The following ATP13A4 variants were observed in gnomAD, a reference collection of about 807,000 sequenced individuals.
The protein encoded by ATP13A4 is probable cation-transporting ATPase 13A4.
In ATP13A4, 114 loss-of-function variants were observed where a neutral mutation model predicts 142.5. The observed-to-expected ratio is 0.80, with a 90% CI of 0.69 to 0.93. The LOEUF is 0.93. Ranked by LOEUF, ATP13A4 falls within the 40% of genes least tolerant of loss-of-function variation. The pLI, the probability that ATP13A4 is intolerant of heterozygous loss-of-function variation, is 0.00. For synonymous variants in ATP13A4, 488 were observed against 514.8 expected (o/e 0.95, Z 0.70); for missense variants, 1,392 against 1,454.0 (o/e 0.96, Z 0.69).
chr3:193,470,780 G>A, intron 9 of ATP13A4, 79 bp downstream of exon 9: 1 of 1,599,382 alleles, frequency 6.3e-7, no homozygotes, highest in Non-Finnish European at 8.6e-7. Flanking sequence ...TTCAGGTAGA[G>A]GAGGAGGCGT....
At position 193,491,710 on chromosome 3, in the gene ATP13A4, G is replaced by A. The variant is rs1042509954; in HGVS notation, c.534-312C>T. On this transcript the variant is annotated intron_variant, in intron 5 of 29. Transcript: ENST00000342695. ...ATTCAAGTACTTTCAGGATTGGCAT[G>A]TTCCCAACTCTGTCTCTCCTCAATT... Among the ~76,000 whole-genome samples, 16 of 152,136 alleles carry A rather than the reference G, an allele frequency of 1.1e-4. No homozygotes were observed. The South Asian group carries it at 3.3e-3, about 31-fold the overall frequency.
intron 1 of ATP13A4, among the ~76,000 whole-genome samples, chr3:193,517,778 G>A (rs1326112902): frequency 2.0e-5 from 3 of 152,104 alleles, no homozygotes; most frequent in East Asian, 1.9e-4. Context: ...GCCTACAACC[G>A]ACTGTTTTAA....
At chr3:193,439,504 G>C (rs1716500006) in intron 21 of ATP13A4, among the ~76,000 whole-genome samples, 1 of 152,152 alleles carries the variant, frequency 6.6e-6, no homozygotes, top group South Asian at 2.1e-4. Flanking sequence ...TGCTGTATGG[G>C]AAAGTACTTA....
chr3:193,562,148 C>T, intron 2 of ATP13A4, among the ~76,000 whole-genome samples: 1 of 152,044 alleles, frequency 6.6e-6, no homozygotes, highest in East Asian at 1.9e-4. Context: ...TCTCCTGGAC[C>T]CCACATACTC....
Position 193,531,313 on chromosome 3 carries a change from A to AG in ATP13A4, c.61-16443dup, listed in dbSNP as rs1474577707. Among the ~76,000 whole-genome samples, 242 of 88,732 alleles carry AG rather than the reference A, an allele frequency of 2.7e-3. 1 individual carries two copies. The highest frequency in any genetic ancestry group is 4.2e-3 in the East Asian group (10 of 2,388). 58.2% of individuals were successfully genotyped at this position (88,732 alleles called of 152,430 possible). On this transcript the variant is annotated intron_variant, in intron 1 of 29. Transcript: ENST00000342695. Reference sequence around the variant, plus strand: ...GAGGGAGGGAGGAAGGAAGGAAGGAAGGAAGGAAGGAAGGAAGGAAGGAAG... The same window carrying AG: ...GAGGGAGGGAGGAAGGAAGGAAGGAAGGGAAGGAAGGAAGGAAGGAAGGAAG...
chr3:193,580,865 A>T (rs1186306883), intron 2 of ATP13A4, among the ~76,000 whole-genome samples: 1 of 152,202 alleles, frequency 6.6e-6, no homozygotes, highest in Non-Finnish European at 1.5e-5. Context: ...AATGATGGGA[A>T]GGTTGAAATA....
intron 8 of ATP13A4, among the ~76,000 whole-genome samples, chr3:193,480,889 A>G (rs1411698213): frequency 3.3e-5 from 5 of 152,258 alleles, no homozygotes; most frequent in Admixed American, 3.3e-4. Context: ...AATGCCCATC[A>G]ATCTATGAGT....
At chr3:193,577,046 CATAA>C (rs1560288611) in intron 2 of ATP13A4, among the ~76,000 whole-genome samples, 20 of 152,290 alleles carry the variant, frequency 1.3e-4, no homozygotes, top group Non-Finnish European at 2.6e-4. Flanking sequence ...TTGTTGACTC[CATAA>C]TAGTAATCCA....
At chr3:193,439,158 T>C in intron 21 of ATP13A4, 93 bp from the exon 22 acceptor site, 1 of 1,293,218 alleles carries the variant, frequency 7.7e-7, no homozygotes, top group Admixed American at 1.7e-5. Context: ...TTACTTAGGG[T>C]TCAAACTCAT....
At position 193,545,122 on chromosome 3, in the gene ATP13A4, C is replaced by A. The variant is rs570399447; in HGVS notation, c.60+9618G>T. ...ATAGTCTCAGATCTCTCCATCTACC[C>A]AAACTTAATTCTTGGATAGTTTTGT... On this transcript the variant is annotated intron_variant, in intron 1 of 29. Transcript: ENST00000342695. Among the ~76,000 whole-genome samples, 16 of 152,254 alleles carry A rather than the reference C, an allele frequency of 1.1e-4. No individual in the cohort carries two copies. In the East Asian group the frequency reaches 3.1e-3, roughly 29 times the overall value.
intron 2 of ATP13A4, among the ~76,000 whole-genome samples, chr3:193,508,916 G>C (rs1720992458): frequency 1.3e-5 from 2 of 151,840 alleles, no homozygotes; most frequent in African/African-American, 4.8e-5. Flanking sequence ...GTGGCCATGT[G>C]CTAGGTGCCA....
intron 25 of ATP13A4, among the ~76,000 whole-genome samples, chr3:193,432,832 T>C (rs1175504005): frequency 6.6e-6 from 1 of 152,068 alleles, no homozygotes; most frequent in Non-Finnish European, 1.5e-5. Context: ...GGAAGATGAC[T>C]AGGCAGAGCA....
chr3:193,403,068 G>A (rs1714329039), intron 29 of ATP13A4, among the ~76,000 whole-genome samples: 1 of 152,152 alleles, frequency 6.6e-6, no homozygotes, highest in South Asian at 2.1e-4. Context: ...TCCTGTGGGA[G>A]AAGTAAGAGG....
chr3:193,489,005 A>G (rs1719795258), intron 7 of ATP13A4, among the ~76,000 whole-genome samples: 1 of 152,144 alleles, frequency 6.6e-6, no homozygotes, highest in Non-Finnish European at 1.5e-5. Flanking sequence ...TGGCACTCGG[A>G]AAGTGGGGAG....
intron 9 of ATP13A4, 139 bp from the exon 10 acceptor site, chr3:193,467,625 A>G: frequency 1.2e-6 from 1 of 806,872 alleles, no homozygotes; most frequent in Non-Finnish European, 2.1e-6. Context: ...TATTGGGGAT[A>G]CAAGCATAAA....
At chr3:193,511,188 T>C (rs1043815684) in intron 2 of ATP13A4, among the ~76,000 whole-genome samples, 1 of 152,170 alleles carries the variant, frequency 6.6e-6, no homozygotes, top group Admixed American at 6.5e-5. Flanking sequence ...AAAGGCAAGA[T>C]TGAAGCCGGC....
chr3:193,588,442 C>T (rs1724706044), intron 1 of ATP13A4, among the ~76,000 whole-genome samples: 1 of 152,200 alleles, frequency 6.6e-6, no homozygotes. Context: ...ACTTTGGCTT[C>T]AACCCCATTA....
intron 22 of ATP13A4, 147 bp downstream of exon 22, chr3:193,438,876 A>G: frequency 1.1e-6 from 1 of 898,458 alleles, no homozygotes; most frequent in Admixed American, 1.8e-5. Flanking sequence ...AGAGGAATGT[A>G]AATGGTATAT....
Position 193,483,947 on chromosome 3 carries a change from C to T in ATP13A4, c.797G>A (p.Cys266Tyr), listed in dbSNP as rs1419340489. The change falls in exon 8 of 30, where the codon TGT (cysteine) becomes TAT (tyrosine). Residue 266 changes from cysteine to tyrosine, a missense_variant. Transcript: ENST00000342695. Reference sequence around the variant, plus strand: ...ATAATGGAACTTACCTTTTCTCCCACATACAGAGACCGTAATGCTATTATG... The same window carrying T: ...ATAATGGAACTTACCTTTTCTCCCATATACAGAGACCGTAATGCTATTATG... ...ESHNSITVSV[C>Y]GRKAGVQELE... The T allele has an allele frequency of 6.2e-7, 1 of 1,601,264 alleles. No individual in the cohort carries two copies. Among genetic ancestry groups the T allele is most frequent in the Non-Finnish European group, 8.6e-7 (1 of 1,168,500 alleles).
Sources: allele counts gnomAD v4.1 joint callset (sites outside exome capture counted in the v4.1 genomes callset), GRCh38; gene constraint gnomAD v4.1.1; transcripts MANE v1.5; gene names NCBI Gene and HGNC (gene_info 2026-07-23, HGNC 2026-07-21).